The following SORCS3 variants were observed in gnomAD, a reference collection of about 807,000 sequenced individuals.
The protein encoded by SORCS3 is sortilin related VPS10 domain containing receptor 3.
In SORCS3, 57 loss-of-function variants were observed where a neutral mutation model predicts 146.3. The ratio of observed to expected loss-of-function variants is 0.39; its 90% CI spans 0.31 to 0.49. The LOEUF is 0.49. Among genes scored for constraint, SORCS3 ranks in the 20% least tolerant of loss-of-function variants. The pLI is 0.92. For missense variants in SORCS3, 1,341 were observed against 1,575.5 expected (o/e 0.85, Z 2.52); for synonymous variants, 653 against 618.5 (o/e 1.06, Z -0.83).
chr10:105,136,807 G>A (rs993968028), intron 7 of SORCS3, among the ~76,000 whole-genome samples: 3 of 152,140 alleles, frequency 2.0e-5, no homozygotes, highest in Non-Finnish European at 4.4e-5. Context: ...AGAGGTACTT[G>A]GAGACCCCAG....
chr10:104,812,657 T>C (rs918636960), intron 1 of SORCS3, among the ~76,000 whole-genome samples: 4 of 152,142 alleles, frequency 2.6e-5, no homozygotes, highest in African/African-American at 9.7e-5. Flanking sequence ...GCCTTTCCCA[T>C]TGGAACCAGG....
chr10:104,705,946 G>A (rs548190476), intron 1 of SORCS3, among the ~76,000 whole-genome samples: 46 of 152,266 alleles, frequency 3.0e-4, no homozygotes, highest in African/African-American at 9.1e-4. Flanking sequence ...TGCTGGGCCC[G>A]AGTCAAAAGC....
chr10:105,211,350 TG>T, intron 17 of SORCS3, 100 bp downstream of exon 17: 1 of 806,028 alleles, frequency 1.2e-6, no homozygotes, highest in Non-Finnish European at 2.1e-6. Context: ...GGAGTGAAGA[TG>T]GAGTCTGTTT....
intron 5 of SORCS3, among the ~76,000 whole-genome samples, chr10:105,074,633 G>A (rs1431025414): frequency 6.6e-6 from 1 of 152,044 alleles, no homozygotes. Context: ...TCTTCTTCCT[G>A]GGGGTCCCCA....
chr10:104,940,912 AAG>A (rs931463150), intron 3 of SORCS3, among the ~76,000 whole-genome samples: 1 of 152,192 alleles, frequency 6.6e-6, no homozygotes, highest in Non-Finnish European at 1.5e-5. Context: ...GGAACCAAAA[AAG>A]AGCCCTCATT....
chr10:104,855,436 A>T (rs1276973883), intron 2 of SORCS3, among the ~76,000 whole-genome samples: 1 of 152,104 alleles, frequency 6.6e-6, no homozygotes, highest in African/African-American at 2.4e-5. Flanking sequence ...TAGTATATTG[A>T]GCCTTTGAAT....
intron 5 of SORCS3, among the ~76,000 whole-genome samples, chr10:105,082,054 G>A (rs1452598957): frequency 3.3e-5 from 5 of 152,220 alleles, no homozygotes; most frequent in African/African-American, 1.2e-4. Flanking sequence ...CATGTGCCAA[G>A]TGCTATAATA....
At chr10:105,115,525 G>C (rs4646977) in intron 7 of SORCS3, among the ~76,000 whole-genome samples, 77,609 of 151,950 alleles carry the variant, frequency 0.51, 20,094 homozygotes, top group Admixed American at 0.55. Flanking sequence ...CATGATAAAA[G>C]CTTCCCACAT....
intron 2 of SORCS3, among the ~76,000 whole-genome samples, chr10:104,890,348 T>C (rs945010797): frequency 2.0e-5 from 3 of 151,738 alleles, no homozygotes; most frequent in Admixed American, 1.3e-4. Context: ...TTTTCCTCAG[T>C]TTTTTTTTGT....
chr10:104,810,312 G>A (rs1458511853), intron 1 of SORCS3, among the ~76,000 whole-genome samples: 1 of 152,104 alleles, frequency 6.6e-6, no homozygotes, highest in Non-Finnish European at 1.5e-5. Flanking sequence ...TAACATACGT[G>A]TACATTTATT....
At chr10:104,973,756 CT>C (rs1170273784) in intron 3 of SORCS3, among the ~76,000 whole-genome samples, 1 of 145,764 alleles carries the variant, frequency 6.9e-6, no homozygotes, top group East Asian at 1.9e-4. Context: ...TATGTTTGCT[CT>C]TGCTTTTCTA....
intron 1 of SORCS3, among the ~76,000 whole-genome samples, chr10:104,705,904 T>C (rs546267207): frequency 2.0e-5 from 3 of 152,294 alleles, no homozygotes; most frequent in African/African-American, 7.2e-5. Flanking sequence ...GGATTTGAAC[T>C]CGTAATTGGC....
intron 1 of SORCS3, among the ~76,000 whole-genome samples, chr10:104,692,349 G>A (rs938303475): frequency 2.0e-5 from 3 of 151,962 alleles, no homozygotes; most frequent in African/African-American, 4.8e-5. Context: ...GTGGTCAAGG[G>A]CAGCTTTAGA....
At chr10:104,784,551 C>T (rs2017410280) in intron 1 of SORCS3, among the ~76,000 whole-genome samples, 1 of 152,166 alleles carries the variant, frequency 6.6e-6, no homozygotes, top group East Asian at 1.9e-4. Flanking sequence ...GAGATGCACC[C>T]AGATAGTAAT....
chr10:104,835,320 AC>A (rs2018054300), intron 1 of SORCS3, among the ~76,000 whole-genome samples: 1 of 152,152 alleles, frequency 6.6e-6, no homozygotes, highest in Non-Finnish European at 1.5e-5. Flanking sequence ...ACCATTGTCT[AC>A]CACTCCTGGT....
intron 1 of SORCS3, among the ~76,000 whole-genome samples, chr10:104,769,723 G>T (rs2017225040): frequency 6.6e-6 from 1 of 152,118 alleles, no homozygotes; most frequent in Non-Finnish European, 1.5e-5. Context: ...GGGTGATGCT[G>T]TCAGGAGTGA....
rs530471769 is a variant in SORCS3 at position 105,003,037 on chromosome 10, A to C, written c.954+25544A>C. ...AATGCAGGCACAGAAAAGTTCATGC[A>C]GCTCATGCATGGTGGCACTGGGAAG... On this transcript the variant is annotated intron_variant, in intron 4 of 26. Coordinates refer to ENST00000369701, the MANE Select transcript of SORCS3 (RefSeq NM_014978.3). Among the ~76,000 whole-genome samples the C allele has an allele frequency of 2.6e-5, 4 of 152,358 alleles. No homozygotes were observed. In the South Asian group the frequency reaches 8.3e-4, roughly 32 times the overall value.
intron 1 of SORCS3, among the ~76,000 whole-genome samples, chr10:104,760,104 C>T (rs1444354341): frequency 3.3e-5 from 5 of 152,092 alleles, no homozygotes; most frequent in Non-Finnish European, 7.4e-5. Flanking sequence ...AGTGCAAAGG[C>T]CCAGAGGAGG....
At chr10:105,111,334 G>T (rs1434966004) in intron 7 of SORCS3, among the ~76,000 whole-genome samples, 1 of 152,142 alleles carries the variant, frequency 6.6e-6, no homozygotes, top group Non-Finnish European at 1.5e-5. Context: ...CCCCAGCCAG[G>T]TCTCTAAAAG....
Sources: gnomAD v4.1 joint callset for allele counts (sites outside exome capture counted in the v4.1 genomes callset) on GRCh38, gnomAD v4.1.1 for gene constraint, MANE v1.5 for transcripts, NCBI Gene and HGNC (gene_info 2026-07-23, HGNC 2026-07-21) for gene names.